The following NUDC variants were observed in gnomAD, a reference collection of about 807,000 sequenced individuals.
NUDC encodes the protein nuclear migration protein nudC.
Under a neutral mutation model 45.0 loss-of-function variants are expected in NUDC, and 14 were observed. That is an observed-to-expected ratio of 0.31 (90% CI 0.21 to 0.49). The LOEUF (loss-of-function observed/expected upper bound fraction) is 0.49. Ranked by LOEUF, NUDC falls within the 20% of genes least tolerant of loss-of-function variation. The pLI is 0.99. For missense variants in NUDC, 323 were observed against 426.2 expected (o/e 0.76, Z 2.13); for synonymous variants, 153 against 156.7 (o/e 0.98, Z 0.17).
chr1:26,937,484 G>C (rs1010285092), intron 2 of NUDC, among the ~76,000 whole-genome samples: 4 of 151,924 alleles, frequency 2.6e-5, no homozygotes, highest in African/African-American at 9.7e-5. Context: ...GTCTCACCAC[G>C]TTGCCCAGGC....
At chr1:26,917,472 G>A (rs977465793), upstream of NUDC, among the ~76,000 whole-genome samples, 1 of 152,158 alleles carries the variant, frequency 6.6e-6, no homozygotes, top group African/African-American at 2.4e-5. Context: ...TGAGGTAGGA[G>A]AATCGCTTGA....
chr1:26,902,168 A>G (rs2081982262), intron 1 of NUDC: 1 of 152,178 alleles, frequency 6.6e-6, no homozygotes, highest in Non-Finnish European at 1.5e-5. Context: ...CACCAATGAC[A>G]AAGCCAGACA....
At chr1:26,912,089 G>A (rs767599176) in intron 3 of NUDC, 2 of 1,613,474 alleles carry the variant, frequency 1.2e-6, no homozygotes, top group South Asian at 1.1e-5. Flanking sequence ...TGGCACATCT[G>A]TGGGCAGAGA....
chr1:26,923,906 A>G (rs957072931), intron 1 of NUDC, among the ~76,000 whole-genome samples, 183 bp from the exon 2 acceptor site: 1 of 152,160 alleles, frequency 6.6e-6, no homozygotes, highest in African/African-American at 2.4e-5. Flanking sequence ...GGATATGAGA[A>G]ATCTGCTTCA....
chr1:26,933,702 C>T (rs534047908), intron 2 of NUDC, among the ~76,000 whole-genome samples: 2 of 152,176 alleles, frequency 1.3e-5, no homozygotes, highest in African/African-American at 4.8e-5. Flanking sequence ...GTTTGAGCCA[C>T]TGCATCCAGC....
At chr1:26,934,822 T>C (rs2082214005) in intron 2 of NUDC, among the ~76,000 whole-genome samples, 1 of 151,548 alleles carries the variant, frequency 6.6e-6, no homozygotes, top group African/African-American at 2.4e-5. Flanking sequence ...CATGCCCGGC[T>C]AATTTTTTGT....
intron 6 of NUDC, among the ~76,000 whole-genome samples, chr1:26,944,200 C>T (rs1055701271): frequency 2.0e-5 from 3 of 151,580 alleles, no homozygotes; most frequent in African/African-American, 7.3e-5. Flanking sequence ...AGCCCTTTCC[C>T]TGCCTTTTAA....
intron 3 of NUDC, among the ~76,000 whole-genome samples, chr1:26,914,143 C>T (rs539968532): frequency 2.6e-5 from 4 of 152,152 alleles, no homozygotes; most frequent in East Asian, 3.9e-4. Context: ...GGGAACCCCA[C>T]GTGGCACTGA....
rs2082279123 is a variant in NUDC at position 26,941,769 on chromosome 1, A to C, written c.380A>C (p.Asn127Thr). 1 of 1,614,078 alleles carries C rather than the reference A, an allele frequency of 6.2e-7. No homozygotes were observed. The highest frequency in any genetic ancestry group is 8.5e-7 in the Non-Finnish European group (1 of 1,180,034). ...TTGCCCCAGAAAAAGGATGCAGAGAATCATGAGGCCCAGCTCAAGAACGGC... is the reference window on the plus strand; with the variant it reads ...TTGCCCCAGAAAAAGGATGCAGAGACTCATGAGGCCCAGCTCAAGAACGGC... Reference protein sequence around the residue: ...LEIDQKKDAENHEAQLKNGSL... With the variant: ...LEIDQKKDAETHEAQLKNGSL... Residue 127 changes from asparagine (N) to threonine (T), a missense_variant, in exon 4 of 9, where the codon AAT (asparagine) becomes ACT (threonine). This residue lies in a region of NUDC where 245 missense variants were observed against 278.8 expected (regional missense o/e 0.88). Coordinates refer to ENST00000321265, the MANE Select transcript of NUDC (RefSeq NM_006600.4).
At chr1:26,935,084 C>T (rs185031854) in intron 2 of NUDC, among the ~76,000 whole-genome samples, 2 of 152,060 alleles carry the variant, frequency 1.3e-5, no homozygotes, top group East Asian at 1.9e-4. Flanking sequence ...TGGGTTCAAG[C>T]GATTCTCCTG....
intron 2 of NUDC, among the ~76,000 whole-genome samples, chr1:26,934,840 G>T (rs542186572): frequency 6.6e-6 from 1 of 151,834 alleles, no homozygotes; most frequent in Admixed American, 6.6e-5. Context: ...TGTGTTTTTA[G>T]TAAAGACGGG....
chr1:26,918,862 C>T (rs892962313), upstream of NUDC, among the ~76,000 whole-genome samples: 1 of 152,122 alleles, frequency 6.6e-6, no homozygotes, highest in African/African-American at 2.4e-5. Context: ...AGGCGTGAGC[C>T]ACTGCACCCA....
chr1:26,941,323 TG>T lies in NUDC; in HGVS notation c.160-133del, dbSNP rs1353092119. 5.0e-6 allele frequency: 4 copies of T among 794,034 alleles called. No homozygotes were observed. The African/African-American group carries it at 6.9e-5, about 14-fold the overall frequency. The allele number at this position is 794,034 out of a possible 1,614,324, so 49.2% of individuals were successfully genotyped here. A position where few individuals can be genotyped will look rare whatever the true frequency, so the allele number is the denominator to read the frequency against. On this transcript the variant is annotated intron_variant, in intron 2 of 8. Transcript: ENST00000321265. ...TGAGATAGATGTATTTTCCTCATTT[TG>T]CACATGAGGAAACCGAGTTTCTGGG...
intron 2 of NUDC, among the ~76,000 whole-genome samples, chr1:26,936,722 C>T (rs905180351): frequency 2.0e-5 from 3 of 152,094 alleles, no homozygotes; most frequent in African/African-American, 7.2e-5. Flanking sequence ...AATAAAGGGT[C>T]GTTTGTCCTG....
chr1:26,908,967 G>A (rs149427447), intron 2 of NUDC, among the ~76,000 whole-genome samples: 6 of 147,252 alleles, frequency 4.1e-5, no homozygotes, highest in Non-Finnish European at 7.5e-5. Flanking sequence ...CTCGTGATCC[G>A]CCTGGCCTTA....
In NUDC at chr1:26,926,876, G is replaced by A. The variant is rs563550913; in HGVS notation, c.159+2710G>A. Among the ~76,000 whole-genome samples the A allele has an allele frequency of 9.2e-5, 14 of 152,052 alleles. No individual in the cohort carries two copies. The East Asian group carries it at 2.7e-3, about 30-fold the overall frequency. ...AGCCTCCCAAAGTGCTGGGATTACAGGCGTGAGCCACTGCACCCGGCCTAC... is the reference window on the plus strand; with the variant it reads ...AGCCTCCCAAAGTGCTGGGATTACAAGCGTGAGCCACTGCACCCGGCCTAC... On this transcript the variant is annotated intron_variant, in intron 2 of 8. Transcript: ENST00000321265.
At chr1:26,914,363 G>A (rs78182695) in intron 3 of NUDC, among the ~76,000 whole-genome samples, 1,606 of 152,318 alleles carry the variant, frequency 0.011, 16 homozygotes, top group Non-Finnish European at 0.018. Context: ...GCTAAGCCAG[G>A]AAGCCAGCCC....
chr1:26,942,798 T>TA (rs1557681492), intron 5 of NUDC, 22 bp downstream of exon 5: 2 of 1,613,996 alleles, frequency 1.2e-6, no homozygotes, highest in Non-Finnish European at 8.5e-7. Context: ...GGACCAGAGG[T>TA]AAAGCTTAGG....
At chr1:26,905,453 A>G (rs760514880) in intron 2 of NUDC, among the ~76,000 whole-genome samples, 8 of 152,034 alleles carry the variant, frequency 5.3e-5, no homozygotes, top group Non-Finnish European at 1.0e-4. Flanking sequence ...GAGCCCAGCC[A>G]CAAGATGCTT....
Sources: gnomAD v4.1 joint callset for allele counts (sites outside exome capture counted in the v4.1 genomes callset) on GRCh38, gnomAD v4.1.1 for gene constraint, gnomAD v4.1.1 regional missense constraint, MANE v1.5 for transcripts, NCBI Gene and HGNC (gene_info 2026-07-23, HGNC 2026-07-21) for gene names.